LOC128125822: variants seen among roughly 807,000 people sequenced by gnomAD.
chr6:63,580,028 GT>G, the LOC128125822 span: 3 of 1,467,752 alleles, frequency 2.0e-6, no homozygotes, highest in Non-Finnish European at 2.8e-6. Flanking sequence ...CTTTTGCCTT[GT>G]TTCATTTTTT....
the LOC128125822 span, chr6:63,578,327 ATCT>A: frequency 1.4e-5 from 17 of 1,246,092 alleles, no homozygotes; most frequent in Non-Finnish European, 1.1e-5. Context: ...TCTTTAAATG[ATCT>A]TCTGTTAACC....
the LOC128125822 span, chr6:63,576,913 A>G: frequency 6.2e-7 from 1 of 1,613,908 alleles, no homozygotes; most frequent in Non-Finnish European, 8.5e-7. Flanking sequence ...CTCCTGTGGA[A>G]GTCACATACA....
chr6:63,572,484 C>G, the LOC128125822 span: 1 of 389,488 alleles, frequency 2.6e-6, no homozygotes, highest in Non-Finnish European at 4.5e-6. Flanking sequence ...AAGGGCGCCT[C>G]GGCGCGTGTA....
At chr6:63,576,341 AAT>A in the LOC128125822 span, 1 of 395,240 alleles carries the variant, frequency 2.5e-6, no homozygotes, top group East Asian at 3.6e-5. Context: ...GCTTTAGAAA[AAT>A]AGTTGTGTAC....
At chr6:63,575,515 A>C in the LOC128125822 span, among the ~76,000 whole-genome samples, 4 of 152,200 alleles carry the variant, frequency 2.6e-5, no homozygotes, top group African/African-American at 4.8e-5. Context: ...ATATAAATAC[A>C]TTCATATTTG....
the LOC128125822 span, chr6:63,578,762 C>A: frequency 1.8e-6 from 2 of 1,128,760 alleles, no homozygotes; most frequent in East Asian, 2.8e-5. Flanking sequence ...ATTTGGTAGA[C>A]AACAGGGTTT....
chr6:63,582,838 T>C, the LOC128125822 span: 1 of 152,136 alleles, frequency 6.6e-6, no homozygotes. Flanking sequence ...AGGGCATTGC[T>C]CTCCTATTCC....
At chr6:63,576,919 A>G in the LOC128125822 span, 3 of 1,613,914 alleles carry the variant, frequency 1.9e-6, no homozygotes, top group South Asian at 1.1e-5. Flanking sequence ...TGGAAGTCAC[A>G]TACAAGAACA....
chr6:63,572,740 C>T, the LOC128125822 span: 1 of 398,388 alleles, frequency 2.5e-6, no homozygotes. Flanking sequence ...GTCGCATCGT[C>T]GCCTCTCGGG....
chr6:63,576,775 T>G, the LOC128125822 span: 1 of 838,790 alleles, frequency 1.2e-6, no homozygotes, highest in African/African-American at 1.7e-5. Flanking sequence ...ACTGAGAATT[T>G]CAAGTGGAGT....
At chr6:63,581,475 A>T in the LOC128125822 span, 1 of 152,688 alleles carries the variant, frequency 6.5e-6, no homozygotes, top group Middle Eastern at 3.4e-3. Flanking sequence ...GGTTTGCTTA[A>T]AATTAACTTA....
At chr6:63,575,129 G>A in the LOC128125822 span, among the ~76,000 whole-genome samples, 1 of 152,144 alleles carries the variant, frequency 6.6e-6, no homozygotes, top group South Asian at 2.1e-4. Context: ...ACTATAACTA[G>A]CATGGGACTA....
chr6:63,576,534 T>C, the LOC128125822 span: 3 of 426,466 alleles, frequency 7.0e-6, no homozygotes, highest in African/African-American at 4.1e-5. Flanking sequence ...ACAAGTGAAC[T>C]GTAGAAACTG....
the LOC128125822 span, chr6:63,578,361 A>ATCTC: frequency 6.9e-7 from 1 of 1,444,416 alleles, no homozygotes; most frequent in Non-Finnish European, 9.3e-7. Flanking sequence ...CTGATCAGAG[A>ATCTC]TGATCAGAAT....
the LOC128125822 span, chr6:63,577,085 A>C: frequency 6.0e-6 from 5 of 828,144 alleles, no homozygotes; most frequent in Non-Finnish European, 9.6e-6. Flanking sequence ...ATGAGATGAT[A>C]TACCTACAAT....
the LOC128125822 span, among the ~76,000 whole-genome samples, chr6:63,574,050 A>G: frequency 6.6e-6 from 1 of 152,228 alleles, no homozygotes; most frequent in South Asian, 2.1e-4. Context: ...AGTTATTTAC[A>G]CTACGATTGG....
chr6:63,577,443 G>A, the LOC128125822 span, among the ~76,000 whole-genome samples: 2 of 152,148 alleles, frequency 1.3e-5, no homozygotes, highest in Admixed American at 1.3e-4. Flanking sequence ...CTTTTTACTA[G>A]GAGAAAGGAA....
chr6:63,579,174 C>T, the LOC128125822 span: 10 of 1,446,296 alleles, frequency 6.9e-6, no homozygotes, highest in Non-Finnish European at 9.5e-6. Context: ...GATAATACTT[C>T]TGAGTTGGGG....
At chr6:63,576,240 T>G in the LOC128125822 span, among the ~76,000 whole-genome samples, 5 of 152,046 alleles carry the variant, frequency 3.3e-5, no homozygotes, top group Non-Finnish European at 5.9e-5. Context: ...TTAATCTATC[T>G]GACTGCTTGT....
Sources: allele counts gnomAD v4.1 joint callset (sites outside exome capture counted in the v4.1 genomes callset), GRCh38; gene constraint gnomAD v4.1.1; transcripts MANE v1.5.